The following ARHGAP26 variants were observed in gnomAD, a reference collection of about 807,000 sequenced individuals.
The protein encoded by ARHGAP26 is rho GTPase-activating protein 26.
Under a neutral mutation model 104.8 loss-of-function variants are expected in ARHGAP26, and 38 were observed. The ratio of observed to expected loss-of-function variants is 0.36; its 90% CI spans 0.28 to 0.48. The LOEUF is 0.48. ARHGAP26 is among the 20% of genes least tolerant of loss of function. The pLI is 0.99. For synonymous variants in ARHGAP26, 341 were observed against 340.0 expected (o/e 1.00, Z -0.03); for missense variants, 704 against 947.9 (o/e 0.74, Z 3.38).
At chr5:142,779,910 C>T (rs1757159568) in intron 1 of ARHGAP26, among the ~76,000 whole-genome samples, 1 of 152,174 alleles carries the variant, frequency 6.6e-6, no homozygotes. Flanking sequence ...TAACTCATAG[C>T]TATGTTTCTT....
intron 1 of ARHGAP26, among the ~76,000 whole-genome samples, chr5:142,813,095 G>T (rs974801759): frequency 6.6e-6 from 1 of 151,918 alleles, no homozygotes; most frequent in Non-Finnish European, 1.5e-5. Context: ...CGGCTACCAT[G>T]CCCGGCTAAC....
chr5:143,215,657 C>T (rs1810229626), intron 22 of ARHGAP26, among the ~76,000 whole-genome samples: 1 of 152,192 alleles, frequency 6.6e-6, no homozygotes, highest in South Asian at 2.1e-4. Context: ...CCCAAGGCAA[C>T]CACTCTTCTA....
intron 19 of ARHGAP26, among the ~76,000 whole-genome samples, chr5:143,136,478 G>A (rs546034592): frequency 6.6e-6 from 1 of 152,252 alleles, no homozygotes; most frequent in Non-Finnish European, 1.5e-5. Context: ...CTTTCTCAGA[G>A]AATAAACATT....
At chr5:142,924,233 T>TTCCC (rs1167332680) in intron 10 of ARHGAP26, among the ~76,000 whole-genome samples, 1 of 151,972 alleles carries the variant, frequency 6.6e-6, no homozygotes, top group Non-Finnish European at 1.5e-5. Flanking sequence ...CCAACTCTCC[T>TTCCC]TCCCTCCCTC....
intron 20 of ARHGAP26, among the ~76,000 whole-genome samples, chr5:143,181,481 C>T (rs1288015091): frequency 2.0e-5 from 3 of 152,180 alleles, no homozygotes; most frequent in African/African-American, 7.2e-5. Flanking sequence ...GATGGGAGAA[C>T]TCTCGCGTGT....
At chr5:143,078,247 AG>A in intron 17 of ARHGAP26, among the ~76,000 whole-genome samples, 1 of 152,352 alleles carries the variant, frequency 6.6e-6, no homozygotes, top group Middle Eastern at 3.4e-3. Flanking sequence ...GGCTGGGCCT[AG>A]GGCGAGGCAG....
intron 1 of ARHGAP26, among the ~76,000 whole-genome samples, chr5:142,786,600 A>G (rs1004439276): frequency 2.0e-5 from 3 of 152,054 alleles, no homozygotes; most frequent in Non-Finnish European, 2.9e-5. Context: ...TTATGGAGAA[A>G]ACAAAGCCTT....
intron 17 of ARHGAP26, among the ~76,000 whole-genome samples, chr5:143,060,394 T>C (rs1786527074): frequency 6.6e-6 from 1 of 152,108 alleles, no homozygotes; most frequent in Non-Finnish European, 1.5e-5. Context: ...CAGAGGGAGA[T>C]TTAAGGCATT....
At chr5:143,130,147 G>GCAGAGGCCAAACCATCCCTGACCA (rs1174224154) in intron 18 of ARHGAP26, among the ~76,000 whole-genome samples, 15 of 152,222 alleles carry the variant, frequency 9.9e-5, no homozygotes, top group African/African-American at 3.6e-4. Flanking sequence ...TTGTCTGACT[G>GCAGAGGCCAAACCATCCCTGACCA]CAGAGGCCAA....
intron 11 of ARHGAP26, among the ~76,000 whole-genome samples, chr5:143,013,755 A>G (rs1021710449): frequency 1.3e-5 from 2 of 152,242 alleles, no homozygotes; most frequent in Non-Finnish European, 2.9e-5. Context: ...TGCGCAGTTC[A>G]TGCTTAATGA....
chr5:143,073,188 T>C (rs113776868), intron 17 of ARHGAP26, among the ~76,000 whole-genome samples: 3,258 of 152,304 alleles, frequency 0.021, 94 homozygotes, highest in African/African-American at 0.072. Flanking sequence ...GAATTCCTAA[T>C]AAACTAATCC....
chr5:142,873,331 A>G (rs1755612342), intron 1 of ARHGAP26, 69 bp from the exon 2 acceptor site: 1 of 1,168,226 alleles, frequency 8.6e-7, no homozygotes, highest in Non-Finnish European at 1.2e-6. Flanking sequence ...AAGGACCAAT[A>G]AGGGCAGCAA....
chr5:143,149,584 A>G (rs532023165), intron 20 of ARHGAP26, among the ~76,000 whole-genome samples: 5 of 152,218 alleles, frequency 3.3e-5, no homozygotes, highest in Non-Finnish European at 5.9e-5. Flanking sequence ...ATGGACCCAC[A>G]GTACTTTCCC....
intron 11 of ARHGAP26, among the ~76,000 whole-genome samples, chr5:142,948,759 A>G (rs895964309): frequency 2.0e-5 from 3 of 152,094 alleles, no homozygotes; most frequent in African/African-American, 7.2e-5. Context: ...GGAGGGAAAC[A>G]TGATTCTGAA....
At chr5:143,092,547 C>A (rs540373964) in intron 17 of ARHGAP26, among the ~76,000 whole-genome samples, 6 of 152,054 alleles carry the variant, frequency 3.9e-5, no homozygotes, top group Non-Finnish European at 8.8e-5. Flanking sequence ...AAATTCTCCC[C>A]CCCCCACCTT....
At chr5:143,033,295 C>A (rs1466241750) in intron 12 of ARHGAP26, among the ~76,000 whole-genome samples, 1 of 152,172 alleles carries the variant, frequency 6.6e-6, no homozygotes, top group African/African-American at 2.4e-5. Flanking sequence ...GCTGGGAAAA[C>A]CAAAGGAGGA....
chr5:142,850,414 C>T (rs13184088), intron 1 of ARHGAP26, among the ~76,000 whole-genome samples: 6,810 of 151,964 alleles, frequency 0.045, 219 homozygotes, highest in East Asian at 0.14. Flanking sequence ...TTTTCTTTTT[C>T]TTGCAACCAG....
chr5:143,120,927 GGT>G, intron 17 of ARHGAP26, 59 bp from the exon 18 acceptor site: 4 of 1,513,658 alleles, frequency 2.6e-6, no homozygotes, highest in Non-Finnish European at 3.6e-6. Context: ...GATACAGGGT[GGT>G]TGGTATCTCT....
At chr5:142,915,279 T>C (rs888550201) in intron 10 of ARHGAP26, among the ~76,000 whole-genome samples, 3 of 151,956 alleles carry the variant, frequency 2.0e-5, no homozygotes, top group Admixed American at 6.6e-5. Flanking sequence ...TGCTCCTGAG[T>C]TTCTGTCCCT....
Sources: gnomAD v4.1 joint callset for allele counts (sites outside exome capture counted in the v4.1 genomes callset) on GRCh38, gnomAD v4.1.1 for gene constraint, MANE v1.5 for transcripts, NCBI Gene and HGNC (gene_info 2026-07-23, HGNC 2026-07-21) for gene names.